UBN1: variants seen among roughly 807,000 people sequenced by gnomAD.
The protein encoded by UBN1 is ubinuclein 1.
In UBN1, 17 loss-of-function variants were observed where a neutral mutation model predicts 108.5. The observed-to-expected ratio is 0.16, with a 90% CI of 0.11 to 0.24. The LOEUF (loss-of-function observed/expected upper bound fraction) is 0.24. Among genes scored for constraint, UBN1 ranks in the 10% least tolerant of loss-of-function variants. The pLI is 1.00. For synonymous variants in UBN1, 726 were observed against 564.2 expected, an observed-to-expected ratio of 1.29 and a Z score of -4.07; for missense variants, 1,595 against 1,394.4, an observed-to-expected ratio of 1.14 and a Z score of -2.29.
rs746327267 is a variant in UBN1 at position 4,860,828 on chromosome 16, T to C, written c.836T>C (p.Leu279Pro). The change falls in exon 7 of 18, where the codon CTG (leucine) becomes CCG (proline). Residue 279 changes from leucine to proline, a missense_variant. Leu to Pro is a moderately conservative substitution (Grantham distance 98). Coordinates refer to ENST00000262376, the MANE Select transcript of UBN1 (RefSeq NM_001079514.3). ...GTCCCATCAGCGGAAGCTCAGGGCC[T>C]GCGGGAACTGGAGGGTGCCTCTGAC... ...VAVPSAEAQG[L>P]RELEGASDPL... 3.1e-6 allele frequency: 5 copies of C among 1,614,284 alleles called. No individual in the cohort carries two copies. The South Asian group carries it at 4.4e-5, about 14-fold the overall frequency.
At chr16:4,854,843 C>G (rs915059139) in intron 2 of UBN1, among the ~76,000 whole-genome samples, 3 of 152,052 alleles carry the variant, frequency 2.0e-5, no homozygotes, top group Admixed American at 6.5e-5. Context: ...CTGTCTCAGC[C>G]TCTCGAGTAG....
chr16:4,862,126 A>G (rs1032733515), intron 7 of UBN1, among the ~76,000 whole-genome samples: 3 of 152,236 alleles, frequency 2.0e-5, no homozygotes, highest in Non-Finnish European at 4.4e-5. Flanking sequence ...TACCTTAAGC[A>G]TCAGGACTTG....
intron 14 of UBN1, among the ~76,000 whole-genome samples, chr16:4,873,371 C>A (rs911626808): frequency 1.3e-5 from 2 of 152,164 alleles, no homozygotes; most frequent in Non-Finnish European, 1.5e-5. Context: ...GAACGTGTTA[C>A]ACTGTGATCT....
Position 4,874,788 on chromosome 16 carries a change from C to A in UBN1, c.2378C>A (p.Pro793His), listed in dbSNP as rs1449544894. Residue 793 changes from proline (P) to histidine (H), a missense_variant, in exon 15 of 18, where the codon CCC becomes CAC. Physicochemically the swap from Pro to His is moderately conservative, Grantham distance 77. Transcript: ENST00000262376. ...AGCTTGCCACGGACGTCTCACGGGC[C>A]CCAAGTGGCAGTTCCTGTGCCTGGC... ...HHSLPRTSHG[P>H]QVAVPVPGPQ... 2.5e-6 allele frequency: 4 copies of A among 1,613,966 alleles called. No homozygotes were observed. Among genetic ancestry groups the A allele is most frequent in the Non-Finnish European group, 3.4e-6 (4 of 1,180,040 alleles).
rs2087560046 is a variant in UBN1 at position 4,870,263 on chromosome 16, T to C, written c.1233T>C (p.Tyr411=). ...GCAGTCAGGTCCGCTCTGGGGTGTA[T>C]GCCTATCTTGCGTCATTCCTGCCCT... ...ELSSQVRSGV[Y]AYLASFLPCS... is the part of the protein sequence containing the mutation. The change falls in exon 9 of 18, where the codon TAT becomes TAC. Residue 411 remains tyrosine, a synonymous_variant. Coordinates refer to ENST00000262376, the MANE Select transcript of UBN1 (RefSeq NM_001079514.3). The C allele has an allele frequency of 6.2e-7, 1 of 1,614,228 alleles. No homozygotes were observed. Among genetic ancestry groups the C allele is most frequent in the Non-Finnish European group, 8.5e-7 (1 of 1,180,042 alleles).
In UBN1 at chr16:4,870,938, C is replaced by A; in HGVS notation, c.1525C>A (p.Pro509Thr). The stretch of plus-strand genomic sequence containing the variant: ...AAAAGGGGGCAGGAGGATAATGGGA[C>A]CTCGGAAGAAGTTCCAATGGAATGA... ...EEKGGRRIMGPRKKFQWNDEI... is the reference protein window; with the variant it reads ...EEKGGRRIMGTRKKFQWNDEI... The change falls in exon 11 of 18, where the codon CCT (proline) becomes ACT (threonine). Residue 509 changes from proline to threonine, a missense_variant. Transcript: ENST00000262376. 1.2e-6 allele frequency: 2 copies of A among 1,614,066 alleles called. No individual in the cohort carries two copies. The highest frequency in any genetic ancestry group is 1.7e-6 in the Non-Finnish European group (2 of 1,180,006).
Position 4,860,113 on chromosome 16 carries a change from A to G in UBN1, c.671+145A>G, listed in dbSNP as rs1256711442. Reference sequence around the variant, plus strand: ...CCTCCCGCACGCCTCCCGCAGTGCCATTCTGGGCATAGACGCTCACCTCTC... The same window carrying G: ...CCTCCCGCACGCCTCCCGCAGTGCCGTTCTGGGCATAGACGCTCACCTCTC... On this transcript the variant is annotated intron_variant, in intron 6 of 17. Transcript: ENST00000262376. The G allele has an allele frequency of 6.4e-6, 6 of 938,118 alleles. No individual in the cohort carries two copies. In the Admixed American group the frequency reaches 8.2e-5, roughly 13 times the overall value. The allele number at this position is 938,118 out of a possible 1,614,324, so 58.1% of individuals were successfully genotyped here.
rs775174256 is a variant in UBN1 at position 4,861,116 on chromosome 16, G to C, written c.1110+14G>C. 6.2e-7 allele frequency: 1 copy of C among 1,602,820 alleles called. No homozygotes were observed. The highest frequency in any genetic ancestry group is 8.5e-7 in the Non-Finnish European group (1 of 1,174,278). ...GAGCTGGCTCAGGTATGGTGGCACA[G>C]TGCGGCTGGGCTTTCCTGGAAGCAG... On this transcript the variant is annotated intron_variant, in intron 7 of 17. Transcript: ENST00000262376.
intron 4 of UBN1, 136 bp from the exon 5 acceptor site, chr16:4,858,889 A>C (rs771633756): frequency 8.3e-7 from 1 of 1,210,148 alleles, no homozygotes; most frequent in Non-Finnish European, 1.2e-6. Flanking sequence ...TCAGACATTC[A>C]TGTTTGACCA....
chr16:4,871,566 A>G (rs529637834), intron 12 of UBN1, among the ~76,000 whole-genome samples: 7 of 126,222 alleles, frequency 5.5e-5, no homozygotes, highest in African/African-American at 1.8e-4. Flanking sequence ...CCATCTCAAT[A>G]TGCACTTTCC....
chr16:4,857,931 A>T, intron 2 of UBN1, 59 bp from the exon 3 acceptor site: 1 of 1,314,082 alleles, frequency 7.6e-7, no homozygotes, highest in Non-Finnish European at 1.1e-6. Context: ...TGAAGTTTCT[A>T]TGAATAAGAA....
At chr16:4,863,829 A>G (rs758568161) in intron 7 of UBN1, among the ~76,000 whole-genome samples, 2 of 151,878 alleles carry the variant, frequency 1.3e-5, no homozygotes, top group African/African-American at 2.4e-5. Flanking sequence ...CTGGCCTTTC[A>G]TCCTGCCTTC....
intron 1 of UBN1, among the ~76,000 whole-genome samples, chr16:4,850,556 A>T (rs2086510585): frequency 6.6e-6 from 1 of 152,180 alleles, no homozygotes; most frequent in Admixed American, 6.5e-5. Flanking sequence ...AGGGCCTTGG[A>T]GATTTCTTTT....
intron 2 of UBN1, among the ~76,000 whole-genome samples, chr16:4,856,144 A>G (rs2086798519): frequency 6.6e-6 from 1 of 152,210 alleles, no homozygotes; most frequent in African/African-American, 2.4e-5. Flanking sequence ...GAGTTGGTTA[A>G]TGTGTTTATT....
Position 4,847,766 on chromosome 16 carries a change from G to T in UBN1, c.-484G>T, listed in dbSNP as rs1411827711. ...CGGCGCGGCCTGGAACTCAGCCTCC[G>T]CCGGGTCTGGGCTCCCGCGCCCGGC... is the stretch of plus-strand genomic sequence containing the variant. On this transcript the variant is annotated 5_prime_UTR_variant, in exon 1 of 18. Coordinates refer to ENST00000262376, the MANE Select transcript of UBN1 (RefSeq NM_001079514.3). 6.5e-6 allele frequency: 1 copy of T among 154,090 alleles called. No homozygotes were observed. Among genetic ancestry groups the T allele is most frequent in the Non-Finnish European group, 1.4e-5 (1 of 69,338 alleles). The allele number at this position is 154,090 out of a possible 1,614,324, so 9.5% of individuals were successfully genotyped here. A position where few individuals can be genotyped will look rare whatever the true frequency, so the allele number is the denominator to read the frequency against.
intron 5 of UBN1, among the ~76,000 whole-genome samples, chr16:4,859,619 T>A (rs2086967915): frequency 6.6e-6 from 1 of 152,198 alleles, no homozygotes; most frequent in Admixed American, 6.5e-5. Context: ...CTTGTAACTT[T>A]CAAACTACAA....
chr16:4,868,157 G>A (rs543269696), intron 7 of UBN1, among the ~76,000 whole-genome samples: 5 of 152,300 alleles, frequency 3.3e-5, no homozygotes, highest in South Asian at 2.1e-4. Context: ...TGTTCCCGCT[G>A]TGTCGTGGCT....
At chr16:4,862,787 T>C (rs2087129163) in intron 7 of UBN1, among the ~76,000 whole-genome samples, 1 of 152,152 alleles carries the variant, frequency 6.6e-6, no homozygotes, top group South Asian at 2.1e-4. Context: ...CCGGAAACAA[T>C]GTTGGGCTGT....
intron 5 of UBN1, 145 bp from the exon 6 acceptor site, chr16:4,859,720 A>C: frequency 7.2e-7 from 1 of 1,386,120 alleles, no homozygotes. Flanking sequence ...TTTGTGGTCC[A>C]GGGACTGATC....
Sources: gnomAD v4.1 joint callset for allele counts (sites outside exome capture counted in the v4.1 genomes callset) on GRCh38, gnomAD v4.1.1 for gene constraint, MANE v1.5 for transcripts, NCBI Gene and HGNC (gene_info 2026-07-23, HGNC 2026-07-21) for gene names.